The following COL4A1 variants were observed in gnomAD, a reference collection of about 807,000 sequenced individuals.
COL4A1 encodes the protein collagen type IV alpha 1 chain, also known as collagen alpha-1(IV) chain.
In COL4A1, 40 loss-of-function variants were observed where a neutral mutation model predicts 216.6. The observed-to-expected ratio is 0.18, with a 90% CI of 0.14 to 0.24. The LOEUF is 0.24. COL4A1 is among the 10% of genes least tolerant of loss of function. The probability of loss-of-function intolerance (pLI) is 1.00; values close to 1 mark genes in which losing one functional copy is unlikely to be tolerated. For missense variants in COL4A1, 1,628 were observed against 2,196.8 expected (o/e 0.74, Z 5.18); for synonymous variants, 839 against 810.7 (o/e 1.03, Z -0.59).
chr13:110,240,400 C>T (rs772536057), intron 2 of COL4A1, among the ~76,000 whole-genome samples: 13 of 152,228 alleles, frequency 8.5e-5, no homozygotes, highest in African/African-American at 1.2e-4. Context: ...AGTCCTGGCC[C>T]GGGCTCTGCT....
intron 1 of COL4A1, among the ~76,000 whole-genome samples, chr13:110,296,008 C>T (rs1040790471): frequency 1.3e-5 from 2 of 152,202 alleles, no homozygotes; most frequent in East Asian, 1.9e-4. Flanking sequence ...TTCAGCCCTG[C>T]GCCTCTCCCA....
At chr13:110,219,186 G>A (rs1247138044) in intron 2 of COL4A1, among the ~76,000 whole-genome samples, 1 of 152,164 alleles carries the variant, frequency 6.6e-6, no homozygotes, top group African/African-American at 2.4e-5. Flanking sequence ...ACAGTTTGAG[G>A]GGGGACAGAT....
chr13:110,264,384 C>T (rs1882944455), intron 1 of COL4A1, among the ~76,000 whole-genome samples: 1 of 152,166 alleles, frequency 6.6e-6, no homozygotes, highest in African/African-American at 2.4e-5. Flanking sequence ...CCTCTTAAAA[C>T]TCAAACTTGG....
At chr13:110,199,443 C>T (rs547690578) in intron 20 of COL4A1, among the ~76,000 whole-genome samples, 14 of 152,316 alleles carry the variant, frequency 9.2e-5, no homozygotes, top group Middle Eastern at 3.4e-3. Flanking sequence ...GGAGAAAAGC[C>T]ACAAGCACAA....
intron 1 of COL4A1, among the ~76,000 whole-genome samples, chr13:110,293,514 A>G (rs1434805381): frequency 6.6e-6 from 1 of 152,244 alleles, no homozygotes; most frequent in Non-Finnish European, 1.5e-5. Flanking sequence ...TCTAGAAGTT[A>G]CTGCCAATCA....
chr13:110,305,634 A>T (rs1884664896), intron 1 of COL4A1, among the ~76,000 whole-genome samples: 1 of 152,242 alleles, frequency 6.6e-6, no homozygotes, highest in Non-Finnish European at 1.5e-5. Context: ...ATTACCAAAG[A>T]GTGTTTAAAT....
chr13:110,227,621 T>A (rs535338151), intron 2 of COL4A1, among the ~76,000 whole-genome samples: 1 of 152,198 alleles, frequency 6.6e-6, no homozygotes, highest in Admixed American at 6.5e-5. Context: ...AGAGGGCCAG[T>A]CAGCCATGCA....
At chr13:110,281,332 A>G (rs1275106009) in intron 1 of COL4A1, among the ~76,000 whole-genome samples, 1 of 152,244 alleles carries the variant, frequency 6.6e-6, no homozygotes, top group African/African-American at 2.4e-5. Context: ...TTAATGTTCC[A>G]AAAAGTACTC....
chr13:110,297,057 A>G (rs1470885418), intron 1 of COL4A1, among the ~76,000 whole-genome samples: 1 of 152,182 alleles, frequency 6.6e-6, no homozygotes, highest in East Asian at 1.9e-4. Flanking sequence ...TTGGGATTTC[A>G]TGGAAGCCTC....
chr13:110,231,972 C>A (rs1881086827), intron 2 of COL4A1, among the ~76,000 whole-genome samples: 1 of 152,182 alleles, frequency 6.6e-6, no homozygotes, highest in Non-Finnish European at 1.5e-5. Flanking sequence ...AAATTCACAT[C>A]TATCATTCAT....
intron 2 of COL4A1, among the ~76,000 whole-genome samples, chr13:110,239,884 T>C (rs945396909): frequency 5.3e-5 from 8 of 152,180 alleles, no homozygotes; most frequent in African/African-American, 1.9e-4. Context: ...CATCATTAAA[T>C]TGATTATTTT....
chr13:110,259,852 C>T (rs552905363), intron 1 of COL4A1, among the ~76,000 whole-genome samples: 10 of 152,320 alleles, frequency 6.6e-5, no homozygotes, highest in African/African-American at 2.4e-4. Context: ...ATAGTTGAAT[C>T]TGTAGGTGGA....
At chr13:110,163,269 T>C (rs549291992) in intron 47 of COL4A1, among the ~76,000 whole-genome samples, 194 bp downstream of exon 47, 5 of 152,378 alleles carry the variant, frequency 3.3e-5, no homozygotes, top group Non-Finnish European at 7.3e-5. Flanking sequence ...GATCAATATC[T>C]GTCTCTACAC....
At chr13:110,197,496 T>C (rs1878959531) in intron 21 of COL4A1, among the ~76,000 whole-genome samples, 1 of 152,112 alleles carries the variant, frequency 6.6e-6, no homozygotes, top group African/African-American at 2.4e-5. Flanking sequence ...GGATTGAGTG[T>C]CTCCAGGACT....
chr13:110,302,553 A>G (rs1327503277), intron 1 of COL4A1, among the ~76,000 whole-genome samples: 1 of 152,164 alleles, frequency 6.6e-6, no homozygotes, highest in Non-Finnish European at 1.5e-5. Context: ...AGAGACACGG[A>G]AAGAGCGCTA....
intron 17 of COL4A1, among the ~76,000 whole-genome samples, chr13:110,204,960 T>G (rs1879422205): frequency 6.6e-6 from 1 of 152,072 alleles, no homozygotes. Context: ...AGATGTCTTG[T>G]TCACTATCAC....
At chr13:110,293,398 C>T (rs1192491277) in intron 1 of COL4A1, among the ~76,000 whole-genome samples, 3 of 152,214 alleles carry the variant, frequency 2.0e-5, no homozygotes, top group South Asian at 2.1e-4. Flanking sequence ...CTAATTACTT[C>T]GCTTTGCCAA....
chr13:110,277,475 G>A (rs11838757), intron 1 of COL4A1, among the ~76,000 whole-genome samples: 60,427 of 151,854 alleles, frequency 0.4, 12,294 homozygotes, highest in Non-Finnish European at 0.43. Flanking sequence ...TGATAACTTC[G>A]TAGCCAGAGT....
Position 110,210,262 on chromosome 13 carries a change from T to C in COL4A1, c.469-50A>G, listed in dbSNP as rs1167229748. 3 of 1,567,266 alleles carry C rather than the reference T, an allele frequency of 1.9e-6. No homozygotes were observed. In the African/African-American group the frequency reaches 4.1e-5, roughly 21 times the overall value. On this transcript the variant is annotated intron_variant, in intron 8 of 51. Transcript: ENST00000375820. The stretch of plus-strand genomic sequence containing the variant: ...AAAGTTGCAAATATCGACATTCATG[T>C]AAAGAAGCTGAAAACTCTTTGATAG...
Sources: gnomAD v4.1 joint callset for allele counts (sites outside exome capture counted in the v4.1 genomes callset) on GRCh38, gnomAD v4.1.1 for gene constraint, MANE v1.5 for transcripts, NCBI Gene and HGNC (gene_info 2026-07-23, HGNC 2026-07-21) for gene names.